LHPP: variants seen among roughly 807,000 people sequenced by gnomAD.
The protein encoded by LHPP is phospholysine phosphohistidine inorganic pyrophosphate phosphatase, also known as hLHPP.
LHPP carries 24 observed loss-of-function variants against 30.3 expected under a neutral mutation model. That is an observed-to-expected ratio of 0.79 (90% CI 0.57 to 1.11). The LOEUF is 1.11. Among genes scored for constraint, LHPP ranks in the 50% most tolerant of loss-of-function variants. The pLI, the probability that LHPP is intolerant of heterozygous loss-of-function variation, is 0.00. For synonymous variants in LHPP, 150 were observed against 157.1 expected, an observed-to-expected ratio of 0.95 and a Z score of 0.34; for missense variants, 356 against 367.2, an observed-to-expected ratio of 0.97 and a Z score of 0.25.
intron 6 of LHPP, among the ~76,000 whole-genome samples, chr10:124,542,585 C>T (rs1955224469): frequency 6.6e-6 from 1 of 152,144 alleles, no homozygotes; most frequent in African/African-American, 2.4e-5. Flanking sequence ...CAGGTGGGGA[C>T]CAGAGAGAGG....
At chr10:124,473,345 A>G (rs1952846633) in intron 1 of LHPP, among the ~76,000 whole-genome samples, 1 of 152,110 alleles carries the variant, frequency 6.6e-6, no homozygotes, top group African/African-American at 2.4e-5. Flanking sequence ...TAGAGGAGGA[A>G]CTTAAGGTTC....
chr10:124,518,345 C>T (rs902519944), intron 6 of LHPP, among the ~76,000 whole-genome samples: 7 of 152,226 alleles, frequency 4.6e-5, no homozygotes, highest in Admixed American at 6.5e-5. Flanking sequence ...GCCACAGGAA[C>T]GTTTTTTTCC....
chr10:124,526,239 C>G, intron 6 of LHPP: 1 of 985,358 alleles, frequency 1.0e-6, no homozygotes, highest in Non-Finnish European at 1.2e-6. Flanking sequence ...GCGCGTTCCC[C>G]AGGAGCTGGA....
intron 6 of LHPP, among the ~76,000 whole-genome samples, chr10:124,580,226 T>C (rs995382815): frequency 3.9e-5 from 6 of 152,258 alleles, no homozygotes; most frequent in African/African-American, 1.4e-4. Flanking sequence ...TTCCACTTTG[T>C]TTATGGCCTC....
chr10:124,528,956 T>G (rs1162878128), intron 6 of LHPP, among the ~76,000 whole-genome samples: 1 of 151,900 alleles, frequency 6.6e-6, no homozygotes, highest in Non-Finnish European at 1.5e-5. Context: ...CACATAACAC[T>G]TTTGTAAGAA....
rs566275001 is a variant in LHPP, at chr10:124,517,982, C to T, written c.716+711C>T. 2.3e-4 allele frequency among the ~76,000 whole-genome samples: 35 copies of T among 152,302 alleles called. No homozygotes were observed. The highest frequency in any genetic ancestry group is 7.9e-4 in the African/African-American group (33 of 41,568). ...TACATCTTTGCAGATGCTGGGGAGA[C>T]TTGGTTGAAACATGGTTACCTGGAG... On this transcript the variant is annotated intron_variant, in intron 6 of 6. Coordinates refer to ENST00000368842, the MANE Select transcript of LHPP (RefSeq NM_022126.4). The surrounding 1 kb of genome is among the most constrained non-coding windows in gnomAD (Gnocchi z 4.1).
At chr10:124,566,707 G>A (rs1948496357) in intron 6 of LHPP, among the ~76,000 whole-genome samples, 2 of 152,160 alleles carry the variant, frequency 1.3e-5, no homozygotes, top group African/African-American at 2.4e-5. Context: ...CAGACACTTG[G>A]CCTGGCCACT....
At chr10:124,557,582 C>CA in intron 6 of LHPP, among the ~76,000 whole-genome samples, 1 of 152,342 alleles carries the variant, frequency 6.6e-6, no homozygotes, top group East Asian at 1.9e-4. Context: ...ATTTTTGTCT[C>CA]AGAGTAAATC....
chr10:124,466,438 T>G (rs1952555222), intron 1 of LHPP, among the ~76,000 whole-genome samples: 2 of 152,208 alleles, frequency 1.3e-5, no homozygotes, highest in Non-Finnish European at 2.9e-5. Context: ...CTCTTCACTG[T>G]ATAACTTTGT....
At chr10:124,501,199 G>A (rs1281287726) in intron 5 of LHPP, among the ~76,000 whole-genome samples, 1 of 151,932 alleles carries the variant, frequency 6.6e-6, no homozygotes, top group Non-Finnish European at 1.5e-5. Flanking sequence ...GTCTAGAATG[G>A]GCAAATCCAT....
chr10:124,538,680 T>C (rs1010457729), intron 6 of LHPP, among the ~76,000 whole-genome samples: 1 of 152,216 alleles, frequency 6.6e-6, no homozygotes, highest in African/African-American at 2.4e-5. Flanking sequence ...GATAGTCCAT[T>C]TGTTGTTCTG....
At chr10:124,503,160 G>GCCTCAGCCTCTTGA (rs1423643365) in intron 5 of LHPP, among the ~76,000 whole-genome samples, 8 of 151,694 alleles carry the variant, frequency 5.3e-5, no homozygotes, top group African/African-American at 1.9e-4. Flanking sequence ...CCCTCCTCCT[G>GCCTCAGCCTCTTGA]GGTTCAAGCA....
At chr10:124,488,706 T>A in intron 3 of LHPP, 131 bp downstream of exon 3, 1 of 736,270 alleles carries the variant, frequency 1.4e-6, no homozygotes, top group Non-Finnish European at 2.2e-6. Flanking sequence ...TTCTTTTCCC[T>A]CCCTTTTTCA....
rs973452329 is a variant in LHPP, at chr10:124,541,591, C to T, written c.716+24320C>T. ...GTCTCATGCCTGTCTGCAGGACCCC[C>T]GCGTGAGCCTGGGACCACCCGTGGG... On this transcript the variant is annotated intron_variant, in intron 6 of 6. Transcript: ENST00000368842. The surrounding 1 kb of genome is among the most constrained non-coding windows in gnomAD (Gnocchi z 4.2). 6.6e-5 allele frequency among the ~76,000 whole-genome samples: 10 copies of T among 152,094 alleles called. No individual in the cohort carries two copies. The highest frequency in any genetic ancestry group is 1.4e-4 in the African/African-American group (6 of 41,416).
At chr10:124,571,137 C>T (rs1321205049) in intron 6 of LHPP, among the ~76,000 whole-genome samples, 7 of 152,322 alleles carry the variant, frequency 4.6e-5, no homozygotes, top group East Asian at 1.9e-4. Flanking sequence ...TCCCCAGTCA[C>T]GTGGAACTGT....
At chr10:124,569,854 G>A (rs1192037579) in intron 6 of LHPP, among the ~76,000 whole-genome samples, 5 of 152,178 alleles carry the variant, frequency 3.3e-5, no homozygotes, top group African/African-American at 1.2e-4. Context: ...GACATCAAGT[G>A]TACAGTTTGA....
chr10:124,554,860 G>A (rs893898565), intron 6 of LHPP, among the ~76,000 whole-genome samples: 1 of 152,256 alleles, frequency 6.6e-6, no homozygotes. Flanking sequence ...CTTTAACGAA[G>A]GAATGAGGCA....
intron 1 of LHPP, among the ~76,000 whole-genome samples, chr10:124,470,678 C>CAATAATAAT (rs1203506721): frequency 4.9e-4 from 56 of 114,260 alleles, no homozygotes; most frequent in Non-Finnish European, 7.4e-4. Context: ...ACAACAACAA[C>CAATAATAAT]AACAATAATA....
At chr10:124,463,993 G>T (rs1459392581) in intron 1 of LHPP, among the ~76,000 whole-genome samples, 6 of 151,616 alleles carry the variant, frequency 4.0e-5, no homozygotes, top group Non-Finnish European at 5.9e-5. Flanking sequence ...ATTTTTTTGT[G>T]TTTTTTGTAG....
Sources: allele counts gnomAD v4.1 joint callset (sites outside exome capture counted in the v4.1 genomes callset), GRCh38; gene constraint gnomAD v4.1.1; non-coding constraint Gnocchi (gnomAD v3.1); transcripts MANE v1.5; gene names NCBI Gene and HGNC (gene_info 2026-07-23, HGNC 2026-07-21).